PCDHA2: variants seen among roughly 807,000 people sequenced by gnomAD.
PCDHA2 encodes the protein protocadherin alpha-2.
Under a neutral mutation model 66.0 loss-of-function variants are expected in PCDHA2, and 58 were observed. The ratio of observed to expected loss-of-function variants is 0.88; its 90% CI spans 0.71 to 1.09. The LOEUF (loss-of-function observed/expected upper bound fraction) is 1.09. Ranked by LOEUF, PCDHA2 falls within the 50% of genes least tolerant of loss-of-function variation. The pLI, the probability that PCDHA2 is intolerant of heterozygous loss-of-function variation, is 0.00. For synonymous variants in PCDHA2, 634 were observed against 554.0 expected (o/e 1.14, Z -2.03); for missense variants, 1,267 against 1,242.3 (o/e 1.02, Z -0.30).
chr5:140,823,517 C>G (rs1164371267), intron 1 of PCDHA2: 14 of 1,613,476 alleles, frequency 8.7e-6, no homozygotes, highest in South Asian at 1.1e-5. Flanking sequence ...GAGCTGGTGC[C>G]GAGGTCAGTG....
In PCDHA2 at chr5:141,012,021, A is replaced by T. The variant is rs1428323351; in HGVS notation, c.*2084A>T. 6.5e-6 allele frequency: 1 copy of T among 153,734 alleles called. No individual in the cohort carries two copies. The highest frequency in any genetic ancestry group is 1.5e-5 in the Non-Finnish European group (1 of 68,044). 9.5% of individuals were successfully genotyped at this position (153,734 alleles called of 1,614,324 possible). The stretch of plus-strand genomic sequence containing the variant: ...CATATTTTGAAGGGTGTGTAACTTC[A>T]GCTCTGCAGGATTGCATGGGGTAAA... On this transcript the variant is annotated 3_prime_UTR_variant, in exon 4 of 4. Transcript: ENST00000526136.
rs199902550 is a variant in PCDHA2 at position 140,965,368 on chromosome 5, A to C, written c.2389-13581A>C. On this transcript the variant is annotated intron_variant, in intron 1 of 3. Transcript: ENST00000526136. ...TTGCCTCTATAGCAGTACAAGAGGAAACTTGGGGACACAGAAGAACAGAAG... is the reference window on the plus strand; with the variant it reads ...TTGCCTCTATAGCAGTACAAGAGGACACTTGGGGACACAGAAGAACAGAAG... 8.5e-5 allele frequency among the ~76,000 whole-genome samples: 13 copies of C among 152,290 alleles called. No homozygotes were observed. The East Asian group carries it at 2.5e-3, about 29-fold the overall frequency.
At chr5:140,944,608 G>T (rs2093673405) in intron 1 of PCDHA2, among the ~76,000 whole-genome samples, 1 of 152,176 alleles carries the variant, frequency 6.6e-6, no homozygotes, top group Non-Finnish European at 1.5e-5. Context: ...AGAGTAGTGT[G>T]CTGTAGAAGT....
chr5:140,839,126 A>G (rs1399665834), intron 1 of PCDHA2, among the ~76,000 whole-genome samples: 8 of 151,272 alleles, frequency 5.3e-5, no homozygotes, highest in East Asian at 3.9e-4. Context: ...ATAATATGTC[A>G]TTCACATAAG....
Position 140,943,601 on chromosome 5 carries a change from T to C in PCDHA2, c.2389-35348T>C, listed in dbSNP as rs148231077. ...TCTGAGTGGGGCTGAATTCTAAATA[T>C]AGACTTTGATTCATCTGCATAAGGA... On this transcript the variant is annotated intron_variant, in intron 1 of 3. Coordinates refer to ENST00000526136, the MANE Select transcript of PCDHA2 (RefSeq NM_018905.3). Among the ~76,000 whole-genome samples the C allele has an allele frequency of 1.9e-3, 291 of 152,290 alleles. 2 individuals carry two copies. The highest frequency in any genetic ancestry group is 6.6e-3 in the African/African-American group (276 of 41,566).
At position 140,796,791 on chromosome 5, in the gene PCDHA2, C is replaced by G. The variant is rs375837956; in HGVS notation, c.1827C>G (p.Tyr609Ter). 6.2e-7 allele frequency: 1 copy of G among 1,614,156 alleles called. No individual in the cohort carries two copies. The highest frequency in any genetic ancestry group is 1.3e-5 in the African/African-American group (1 of 75,070). Reference protein sequence around the residue: ...ADSGYNAWLSYELQLGTGSAR... With the variant: ...ADSGYNAWLS ...CAGGCTACAACGCGTGGCTTTCGTA[C>G]GAGCTTCAGCTGGGTACTGGCAGCG... The change falls in exon 1 of 4, where the codon TAC becomes TAG. Residue 609 changes from tyrosine (Y) to a stop codon, truncating the protein, a stop_gained. Transcript: ENST00000526136. LOFTEE classifies it high-confidence loss of function.
chr5:140,836,520 C>T (rs1450136766), intron 1 of PCDHA2: 2 of 1,613,738 alleles, frequency 1.2e-6, no homozygotes, highest in Admixed American at 1.7e-5. Context: ...TCTGTTGGTG[C>T]TTACCCTGCT....
chr5:140,823,053 G>T lies in PCDHA2; in HGVS notation c.2388+25701G>T, dbSNP rs150289473. ...CGGTCTATGAGCTGGTGGTGACCGCGCGGGACGGGGGCTCGCCTTCGCTGT... is the reference window on the plus strand; with the variant it reads ...CGGTCTATGAGCTGGTGGTGACCGCTCGGGACGGGGGCTCGCCTTCGCTGT... On this transcript the variant is annotated intron_variant, in intron 1 of 3. Coordinates refer to ENST00000526136, the MANE Select transcript of PCDHA2 (RefSeq NM_018905.3). 1.4e-5 allele frequency: 23 copies of T among 1,614,068 alleles called. No individual in the cohort carries two copies. The African/African-American group carries it at 2.9e-4, about 21-fold the overall frequency.
chr5:140,870,736 A>G lies in PCDHA2; in HGVS notation c.2388+73384A>G, dbSNP rs201357017. ...GCGCGATGCGGGCGTGCCGCCTCTG[A>G]GCAGCAACGTGACGCTGCAGGTGTT... On this transcript the variant is annotated intron_variant, in intron 1 of 3. Transcript: ENST00000526136. 8.7e-4 allele frequency: 1,399 copies of G among 1,613,426 alleles called. 10 individuals carry two copies. In the African/African-American group the frequency reaches 0.015, roughly 17 times the overall value.
chr5:140,934,209 C>G (rs1554209791), intron 1 of PCDHA2, among the ~76,000 whole-genome samples: 1 of 152,068 alleles, frequency 6.6e-6, no homozygotes, highest in Non-Finnish European at 1.5e-5. Context: ...TTTCCTCACA[C>G]AAAATGTTTA....
At chr5:140,847,270 T>A (rs1780933593) in intron 1 of PCDHA2, among the ~76,000 whole-genome samples, 1 of 149,770 alleles carries the variant, frequency 6.7e-6, no homozygotes, top group African/African-American at 2.4e-5. Context: ...TGAAAGAAGG[T>A]TGAACGGGAA....
chr5:140,817,846 T>G (rs1371942730), intron 1 of PCDHA2, among the ~76,000 whole-genome samples: 1 of 152,238 alleles, frequency 6.6e-6, no homozygotes, highest in East Asian at 1.9e-4. Flanking sequence ...ACTATCACTT[T>G]TGAGAAACAG....
At position 140,856,102 on chromosome 5, in the gene PCDHA2, TCTC is replaced by T. The variant is rs782690525; in HGVS notation, c.2388+58754_2388+58756del. On this transcript the variant is annotated intron_variant, in intron 1 of 3. Coordinates refer to ENST00000526136, the MANE Select transcript of PCDHA2 (RefSeq NM_018905.3). Reference sequence around the variant, plus strand: ...TCCAGTGTCTGCTGCTCTCGCTTCTTCTCCTCGCAGCCTGGGAGGTGGGGAGCG... The same window carrying T: ...TCCAGTGTCTGCTGCTCTCGCTTCTTCTCGCAGCCTGGGAGGTGGGGAGCG... 5.6e-6 allele frequency: 9 copies of T among 1,597,726 alleles called. 1 individual carries two copies. The South Asian group carries it at 7.7e-5, about 14-fold the overall frequency.
At chr5:140,912,690 A>AG (rs2076029112) in intron 1 of PCDHA2, among the ~76,000 whole-genome samples, 1 of 152,192 alleles carries the variant, frequency 6.6e-6, no homozygotes, top group African/African-American at 2.4e-5. Flanking sequence ...TCCAGGTCTC[A>AG]GGGGGAATGC....
rs1175289327 is a variant in PCDHA2 at position 140,945,113 on chromosome 5, T to TA, written c.2389-33830dup. ...TAATAAACAAAATAAAGTTGAAAGA[T>TA]AAAAAATCAACTTACAAAAATCAAT... On this transcript the variant is annotated intron_variant, in intron 1 of 3. Coordinates refer to ENST00000526136, the MANE Select transcript of PCDHA2 (RefSeq NM_018905.3). Among the ~76,000 whole-genome samples, 7 of 152,200 alleles carry TA rather than the reference T, an allele frequency of 4.6e-5. No individual in the cohort carries two copies. In the East Asian group the frequency reaches 1.2e-3, roughly 25 times the overall value.
intron 1 of PCDHA2, chr5:140,868,989 C>T (rs1280457697): frequency 1.3e-6 from 2 of 1,506,850 alleles, no homozygotes; most frequent in Non-Finnish European, 1.8e-6. Context: ...CGGATGCCAC[C>T]GTTTAAGGAT....
At chr5:140,861,531 T>G (rs1219248238) in intron 1 of PCDHA2, 2 of 447,948 alleles carry the variant, frequency 4.5e-6, no homozygotes, top group Non-Finnish European at 9.2e-6. Flanking sequence ...GATCTCGGAG[T>G]GCAGCATCCA....
Position 140,835,992 on chromosome 5 carries a change from G to A in PCDHA2, c.2388+38640G>A, listed in dbSNP as rs2150249786. 2.2e-5 allele frequency: 35 copies of A among 1,613,332 alleles called. No homozygotes were observed. The African/African-American group carries it at 4.4e-4, about 20-fold the overall frequency. ...GGAGCTGTTGCAGTTCCAGGTGAGC[G>A]CGCGCGATGCGGGCGTGCCGCCTCT... On this transcript the variant is annotated intron_variant, in intron 1 of 3. Transcript: ENST00000526136.
At chr5:140,869,242 C>T (rs781799282) in intron 1 of PCDHA2, 1 of 1,613,610 alleles carries the variant, frequency 6.2e-7, no homozygotes, top group East Asian at 2.2e-5. Context: ...CTTCGTGGGC[C>T]GCATCGCGCA....
Sources: allele counts gnomAD v4.1 joint callset (sites outside exome capture counted in the v4.1 genomes callset), GRCh38; gene constraint gnomAD v4.1.1; transcripts MANE v1.5; gene names NCBI Gene and HGNC (gene_info 2026-07-23, HGNC 2026-07-21).